Variants in TIAL1 observed in about 807,000 individuals in gnomAD.
TIAL1 encodes nucleolysin TIAR.
In TIAL1, 7 loss-of-function variants were observed where a neutral mutation model predicts 59.7. The observed-to-expected ratio is 0.12, with a 90% CI of 0.07 to 0.22. The LOEUF is 0.22. TIAL1 is among the 10% of genes least tolerant of loss of function. The pLI is 1.00. For synonymous variants in TIAL1, 149 were observed against 146.3 expected, an observed-to-expected ratio of 1.02 and a Z score of -0.13; for missense variants, 225 against 462.5, an observed-to-expected ratio of 0.49 and a Z score of 4.71.
At position 119,575,378 on chromosome 10, in the gene TIAL1, A is replaced by G. The variant is rs1192013556; in HGVS notation, c.*287T>C. On this transcript the variant is annotated 3_prime_UTR_variant, in exon 12 of 12. Coordinates refer to ENST00000436547, the MANE Select transcript of TIAL1 (RefSeq NM_003252.4). ...ATCTAAGAATCAAAATGTATTAGCC[A>G]TTTTTCCTATTATATCAAAATTTGT... The G allele has an allele frequency of 3.7e-6, 1 of 270,634 alleles. No individual in the cohort carries two copies. Among genetic ancestry groups the G allele is most frequent in the African/African-American group, 2.3e-5 (1 of 43,470 alleles). 16.8% of individuals were successfully genotyped at this position (270,634 alleles called of 1,614,324 possible).
chr10:119,576,837 A>G, intron 10 of TIAL1, 87 bp from the exon 11 acceptor site: 1 of 1,533,134 alleles, frequency 6.5e-7, no homozygotes, highest in Non-Finnish European at 8.8e-7. Flanking sequence ...GAGAAAAACT[A>G]AGTAAGCACC....
In TIAL1 at chr10:119,596,704, G is replaced by A; in HGVS notation, c.-239C>T. On this transcript the variant is annotated 5_prime_UTR_variant, in exon 1 of 12. Transcript: ENST00000436547. ...GCCGCCACCAGCCAGGCAGGAAACA[G>A]GGCAGAGCGCAGGCGCGACCCGCCA... is the stretch of plus-strand genomic sequence containing the variant. 2 of 575,586 alleles carry A rather than the reference G, an allele frequency of 3.5e-6. No homozygotes were observed. The highest frequency in any genetic ancestry group is 6.2e-6 in the Non-Finnish European group (2 of 322,484). The allele number at this position is 575,586 out of a possible 1,614,324, so 35.7% of individuals were successfully genotyped here. A position where few individuals can be genotyped will look rare whatever the true frequency, so the allele number is the denominator to read the frequency against.
At position 119,594,626 on chromosome 10, in the gene TIAL1, A is replaced by AT. The variant is rs753068323; in HGVS notation, c.32+1807dup. Among the ~76,000 whole-genome samples the AT allele has an allele frequency of 1.7e-4, 26 of 150,946 alleles. No homozygotes were observed. The East Asian group carries it at 2.9e-3, about 17-fold the overall frequency. ...GCTTCAACAGATGTTGAAGGATAAA[A>AT]TTTTTTTTTTAATTGTTTAGACGAA... On this transcript the variant is annotated intron_variant, in intron 1 of 11. Coordinates refer to ENST00000436547, the MANE Select transcript of TIAL1 (RefSeq NM_003252.4).
rs748179350 is a variant in TIAL1 at position 119,582,603 on chromosome 10, G to A, written c.130-46C>T. The A allele has an allele frequency of 6.3e-6, 10 of 1,595,796 alleles. No homozygotes were observed. The highest frequency in any genetic ancestry group is 2.3e-5 in the South Asian group (2 of 87,924). ...CAGAAGAGTTGACCCTTCTGCTATC[G>A]GGTTGCTGAGAAGAAAATCCAGGAA... is the stretch of plus-strand genomic sequence containing the variant. On this transcript the variant is annotated intron_variant, in intron 2 of 11. Transcript: ENST00000436547. The surrounding 1 kb of genome is among the most constrained non-coding windows in gnomAD (Gnocchi z 5.1).
Position 119,582,111 on chromosome 10 carries a change from A to T in TIAL1, c.283+58T>A. On this transcript the variant is annotated intron_variant, in intron 4 of 11. Coordinates refer to ENST00000436547, the MANE Select transcript of TIAL1 (RefSeq NM_003252.4). This position sits in a 1 kb window ranked among gnomAD's most constrained non-coding sequence, Gnocchi z 5.1. ...GAAAAAAAAACCTATTTAAGCTGGT[A>T]ATGCCTCCTGGATAATTTCAGAACT... is the stretch of plus-strand genomic sequence containing the variant. 2 of 1,596,976 alleles carry T rather than the reference A, an allele frequency of 1.3e-6. No individual in the cohort carries two copies. The highest frequency in any genetic ancestry group is 2.2e-5 in the South Asian group (2 of 89,100).
Position 119,580,026 on chromosome 10 carries a change from C to T in TIAL1, c.372-16G>A. The T allele has an allele frequency of 2.5e-6, 4 of 1,603,140 alleles. No individual in the cohort carries two copies. The highest frequency in any genetic ancestry group is 3.4e-6 in the Non-Finnish European group (4 of 1,175,648). ...CCGGGCATCCCTGTGAAAAGAAGCA[C>T]AGCTAAATGAGGGAAGTAAGAGCCA... On this transcript the variant is annotated splice_polypyrimidine_tract_variant and intron_variant, in intron 5 of 11. Coordinates refer to ENST00000436547, the MANE Select transcript of TIAL1 (RefSeq NM_003252.4).
chr10:119,592,761 T>TCACACA (rs201563429), intron 1 of TIAL1, among the ~76,000 whole-genome samples: 64 of 111,588 alleles, frequency 5.7e-4, no homozygotes, highest in South Asian at 3.5e-3. Context: ...TATGAGATAT[T>TCACACA]CTCACACACA....
chr10:119,590,682 C>T (rs1845805264), intron 1 of TIAL1, among the ~76,000 whole-genome samples: 1 of 151,206 alleles, frequency 6.6e-6, no homozygotes, highest in Non-Finnish European at 1.5e-5. Flanking sequence ...TGCACTCCAA[C>T]CTGGGCGACA....
rs371905968 is a variant in TIAL1, at chr10:119,592,142, GAA to G, written c.33-3896_33-3895del. On this transcript the variant is annotated intron_variant, in intron 1 of 11. Transcript: ENST00000436547. ...CCTAAAGAACATACACAAAATAACA[GAA>G]AAAAGATAAATGGCTCTAATTTTTG... 226 of 152,074 alleles carry G rather than the reference GAA, an allele frequency of 1.5e-3. 2 individuals are homozygous for G. Among genetic ancestry groups the G allele is most frequent in the African/African-American group, 5.0e-3 (207 of 41,500 alleles). 9.4% of individuals were successfully genotyped at this position (152,074 alleles called of 1,614,324 possible). A position where few individuals can be genotyped will look rare whatever the true frequency, so the allele number is the denominator to read the frequency against.
chr10:119,590,804 G>T (rs1465845466), intron 1 of TIAL1, among the ~76,000 whole-genome samples: 1 of 140,672 alleles, frequency 7.1e-6, no homozygotes, highest in Admixed American at 7.0e-5. Flanking sequence ...AAGAAAGAAA[G>T]AAAGAAAGAA....
chr10:119,574,387 A>G lies in TIAL1; in HGVS notation c.*1278T>C, dbSNP rs1266728715. On this transcript the variant is annotated 3_prime_UTR_variant, in exon 12 of 12. Transcript: ENST00000436547. ...GTGTACTATTTAAACTGAATATCCA[A>G]TTATAAATTGGTACATTGAAGTGTC... 1.3e-5 allele frequency: 2 copies of G among 152,310 alleles called. No homozygotes were observed. Among genetic ancestry groups the G allele is most frequent in the Non-Finnish European group, 2.9e-5 (2 of 68,030 alleles). 9.4% of individuals were successfully genotyped at this position (152,310 alleles called of 1,614,324 possible). A position where few individuals can be genotyped will look rare whatever the true frequency, so the allele number is the denominator to read the frequency against.
intron 10 of TIAL1, 27 bp downstream of exon 10, chr10:119,577,053 A>G: frequency 6.2e-7 from 1 of 1,611,136 alleles, no homozygotes; most frequent in Non-Finnish European, 8.5e-7. Flanking sequence ...TGGAAACCTT[A>G]AAGAATGCTA....
At chr10:119,577,617 T>G (rs766746715) in intron 8 of TIAL1, 24 bp downstream of exon 8, 11 of 1,609,902 alleles carry the variant, frequency 6.8e-6, no homozygotes, top group Non-Finnish European at 9.4e-6. Flanking sequence ...TCCTCAGAGG[T>G]GATTAGAAAA....
chr10:119,580,030 TA>T lies in TIAL1; in HGVS notation c.372-21del. On this transcript the variant is annotated intron_variant, in intron 5 of 11. Transcript: ENST00000436547. ...GCATCCCTGTGAAAAGAAGCACAGCTAAATGAGGGAAGTAAGAGCCACCCTC... is the reference window on the plus strand; with the variant it reads ...GCATCCCTGTGAAAAGAAGCACAGCTAATGAGGGAAGTAAGAGCCACCCTC... 6.2e-7 allele frequency: 1 copy of T among 1,600,122 alleles called. No homozygotes were observed. The highest frequency in any genetic ancestry group is 8.5e-7 in the Non-Finnish European group (1 of 1,173,540).
chr10:119,588,124 T>A (rs770072534), intron 2 of TIAL1, 28 bp downstream of exon 2: 9 of 1,359,296 alleles, frequency 6.6e-6, no homozygotes, highest in Non-Finnish European at 7.0e-6. Flanking sequence ...ATGCTAATTG[T>A]CAGCACATGG....
At chr10:119,593,018 T>TG (rs1845969447) in intron 1 of TIAL1, among the ~76,000 whole-genome samples, 1 of 152,214 alleles carries the variant, frequency 6.6e-6, no homozygotes, top group African/African-American at 2.4e-5. Context: ...TTGTGTAACA[T>TG]GGTATTACAC....
At chr10:119,592,123 G>A (rs1054331593) in intron 1 of TIAL1, 2 of 152,004 alleles carry the variant, frequency 1.3e-5, no homozygotes, top group East Asian at 3.9e-4. Flanking sequence ...GCTACCTAAA[G>A]AACATACACA....
Position 119,577,549 on chromosome 10 carries a change from CATACAA to C in TIAL1, c.653-20_653-15del, listed in dbSNP as rs1845062365. 1 of 1,611,876 alleles carries C rather than the reference CATACAA, an allele frequency of 6.2e-7. No homozygotes were observed. The highest frequency in any genetic ancestry group is 1.3e-5 in the African/African-American group (1 of 74,858). The stretch of plus-strand genomic sequence containing the variant: ...TCATAAGCTGATCTATAAAACAAAA[CATACAA>C]ATAAAACATGGCTGATGTGTATCAT... On this transcript the variant is annotated splice_polypyrimidine_tract_variant and intron_variant, in intron 8 of 11. Transcript: ENST00000436547.
intron 7 of TIAL1, 81 bp downstream of exon 7, chr10:119,578,645 T>G: frequency 2.4e-6 from 3 of 1,237,092 alleles, no homozygotes; most frequent in East Asian, 2.4e-5. Flanking sequence ...ATAAATAAAT[T>G]AGAAATTGAG....
Sources: allele counts gnomAD v4.1 joint callset (sites outside exome capture counted in the v4.1 genomes callset), GRCh38; gene constraint gnomAD v4.1.1; non-coding constraint Gnocchi (gnomAD v3.1); transcripts MANE v1.5; gene names NCBI Gene and HGNC (gene_info 2026-07-23, HGNC 2026-07-21).